PTH2R: variants seen among roughly 807,000 people sequenced by gnomAD.
PTH2R encodes the protein parathyroid hormone 2 receptor, also known as PTH2 receptor.
In PTH2R, 59 loss-of-function variants were observed where a neutral mutation model predicts 60.3. The observed-to-expected ratio is 0.98, with a 90% CI of 0.79 to 1.22. The LOEUF (loss-of-function observed/expected upper bound fraction) is 1.22, where lower values mean the gene tolerates loss of function less well. PTH2R is among the 50% of genes most tolerant of loss of function. The pLI, the probability that PTH2R is intolerant of heterozygous loss-of-function variation, is 0.00. For synonymous variants in PTH2R, 256 were observed against 243.8 expected, an observed-to-expected ratio of 1.05 and a Z score of -0.47; for missense variants, 749 against 682.6, an observed-to-expected ratio of 1.10 and a Z score of -1.08.
chr2:208,469,846 T>C (rs910382411), intron 9 of PTH2R: 1 of 152,186 alleles, frequency 6.6e-6, no homozygotes, highest in African/African-American at 2.4e-5. Flanking sequence ...TGATGCTTTG[T>C]TTTGGTTCTG....
intron 9 of PTH2R, among the ~76,000 whole-genome samples, chr2:208,477,946 G>GCACTACTACTAGTAC (rs1156586077): frequency 4.2e-5 from 6 of 144,388 alleles, no homozygotes; most frequent in African/African-American, 1.6e-4. Context: ...ACTACTAGTA[G>GCACTACTACTAGTAC]TACTAGCACT....
At chr2:208,480,602 TA>T (rs1178506870) in intron 9 of PTH2R, among the ~76,000 whole-genome samples, 1 of 151,486 alleles carries the variant, frequency 6.6e-6, no homozygotes, top group African/African-American at 2.4e-5. Context: ...TACTTCCCTT[TA>T]AAAAAAAACA....
Position 208,444,867 on chromosome 2 carries a change from G to A in PTH2R, c.833G>A (p.Gly278Asp), listed in dbSNP as rs141069363. 1.6e-5 allele frequency: 26 copies of A among 1,613,244 alleles called. No homozygotes were observed. The highest frequency in any genetic ancestry group is 5.0e-5 in the Admixed American group (3 of 59,932). The part of the protein sequence containing the change: ...AFFSDTKYLW[G>D]FILIGWGFPA... The stretch of plus-strand genomic sequence containing the variant: ...TTTTCGGACACCAAATACCTGTGGG[G>A]CTTCATCTTGATAGGCTGGGGTAAG... Residue 278 changes from glycine (G) to aspartate (D), a missense_variant, in exon 7 of 13, where the codon GGC becomes GAC. Gly to Asp is a moderately conservative substitution (Grantham distance 94). Transcript: ENST00000272847.
chr2:208,436,535 G>T (rs529381064), intron 2 of PTH2R, among the ~76,000 whole-genome samples: 3 of 152,176 alleles, frequency 2.0e-5, no homozygotes, highest in Non-Finnish European at 4.4e-5. Flanking sequence ...TAGGCAGCAA[G>T]GAACAACAGA....
intron 1 of PTH2R, among the ~76,000 whole-genome samples, chr2:208,425,784 T>C (rs1389948513): frequency 6.6e-6 from 1 of 152,164 alleles, no homozygotes; most frequent in Non-Finnish European, 1.5e-5. Context: ...GACTTTTAAA[T>C]TTTTCTGCCT....
chr2:208,411,438 C>T (rs576122631), intron 1 of PTH2R, among the ~76,000 whole-genome samples: 1 of 152,164 alleles, frequency 6.6e-6, no homozygotes. Context: ...GAATGGGCTT[C>T]CTGGTGGCTG....
intron 1 of PTH2R, among the ~76,000 whole-genome samples, chr2:208,361,773 TA>T (rs1553539452): frequency 6.0e-5 from 9 of 151,250 alleles, no homozygotes; most frequent in East Asian, 1.9e-4. Context: ...TTTTTTTTTT[TA>T]AAAAAAAGGA....
At chr2:208,483,495 T>G (rs1703204108) in intron 10 of PTH2R, among the ~76,000 whole-genome samples, 1 of 152,108 alleles carries the variant, frequency 6.6e-6, no homozygotes, top group African/African-American at 2.4e-5. Flanking sequence ...TCAAAAGACA[T>G]GAGAAATTTT....
rs1193106235 is a variant in PTH2R at position 208,377,540 on chromosome 2, G to T, written c.-259+17303G>T. Among the ~76,000 whole-genome samples, 4 of 146,926 alleles carry T rather than the reference G, an allele frequency of 2.7e-5. No individual in the cohort carries two copies. The East Asian group carries it at 7.9e-4, about 29-fold the overall frequency. On this transcript the variant is annotated intron_variant, in intron 1 of 12. Transcript: ENST00000617735. ...TCCCAGACGGGGCGGCTGGCCGGGC[G>T]GGGGCTGACCCCCCACCTGCCTCTG...
At chr2:208,380,092 CAT>C (rs1270772724) in intron 1 of PTH2R, among the ~76,000 whole-genome samples, 7 of 152,122 alleles carry the variant, frequency 4.6e-5, no homozygotes, top group East Asian at 3.8e-4. Context: ...CAATGAATAA[CAT>C]GTGTCAGGTT....
At chr2:208,375,330 C>T (rs1036691692) in intron 1 of PTH2R, among the ~76,000 whole-genome samples, 1 of 152,026 alleles carries the variant, frequency 6.6e-6, no homozygotes, top group African/African-American at 2.4e-5. Flanking sequence ...GAGAAGGGAA[C>T]AGGCTGTATT....
intron 10 of PTH2R, among the ~76,000 whole-genome samples, chr2:208,485,406 C>G (rs755769357): frequency 2.6e-5 from 4 of 152,168 alleles, no homozygotes; most frequent in Non-Finnish European, 4.4e-5. Context: ...TCTTATTGGA[C>G]AGCTGTGCAT....
intron 6 of PTH2R, 34 bp from the exon 7 acceptor site, chr2:208,444,680 ATCCAGTACAACAAAGTGTTC>A (rs1702252770): frequency 6.5e-7 from 1 of 1,539,902 alleles, no homozygotes; most frequent in Admixed American, 1.8e-5. Context: ...TAATGTTGGC[ATCCAGTACAACAAAGTGTTC>A]TAATATGATG....
chr2:208,442,609 T>A, intron 5 of PTH2R, 148 bp downstream of exon 5: 1 of 657,788 alleles, frequency 1.5e-6, no homozygotes, highest in South Asian at 1.9e-5. Context: ...ATTTGACAAT[T>A]AATTTTTCAT....
At position 208,493,302 on chromosome 2, in the gene PTH2R, C is replaced by A. The variant is rs3820900; in HGVS notation, c.1296C>A (p.Asn432Lys). 1.3e-6 allele frequency: 2 copies of A among 1,517,748 alleles called. No individual in the cohort carries two copies. The highest frequency in any genetic ancestry group is 2.8e-5 in the African/African-American group (2 of 71,922). 94.0% of individuals were successfully genotyped at this position (1,517,748 alleles called of 1,614,324 possible). ...TGAAGAAGATGTGGAGTCGGTGGAA[C>A]CTCTCCGTGGACTGGAAAAGGACAC... ...AEVKKMWSRW[N>K]LSVDWKRTPP... is the part of the protein sequence containing the mutation. The change falls in exon 13 of 13, where the codon AAC becomes AAA. Residue 432 changes from asparagine (N) to lysine (K), a missense_variant. Coordinates refer to ENST00000272847, the MANE Select transcript of PTH2R (RefSeq NM_005048.4).
intron 2 of PTH2R, among the ~76,000 whole-genome samples, chr2:208,431,055 A>C (rs187792815): frequency 6.6e-6 from 1 of 152,084 alleles, no homozygotes; most frequent in Non-Finnish European, 1.5e-5. Context: ...GAACTTTAAG[A>C]AGACAAATAT....
intron 1 of PTH2R, among the ~76,000 whole-genome samples, chr2:208,408,534 GA>G (rs56382757): frequency 0.079 from 11,691 of 147,112 alleles, 492 homozygotes; most frequent in African/African-American, 0.084. Flanking sequence ...AGTACAATAA[GA>G]AAAAAAAAAG....
chr2:208,459,176 G>T (rs963019736), intron 8 of PTH2R, among the ~76,000 whole-genome samples: 2 of 151,902 alleles, frequency 1.3e-5, no homozygotes, highest in African/African-American at 2.4e-5. Flanking sequence ...ATCTCATTGT[G>T]GTTTTGATTT....
chr2:208,400,529 C>T (rs1173788072), intron 1 of PTH2R, among the ~76,000 whole-genome samples: 1 of 152,118 alleles, frequency 6.6e-6, no homozygotes, highest in Non-Finnish European at 1.5e-5. Flanking sequence ...GTAAAAATAG[C>T]AACATCCGGA....
Sources: allele counts gnomAD v4.1 joint callset (sites outside exome capture counted in the v4.1 genomes callset), GRCh38; gene constraint gnomAD v4.1.1; transcripts MANE v1.5; gene names NCBI Gene and HGNC (gene_info 2026-07-23, HGNC 2026-07-21).